The following RNF130 variants were observed in gnomAD, a reference collection of about 807,000 sequenced individuals.
RNF130 encodes the protein ring finger protein 130, also known as E3 ubiquitin-protein ligase RNF130.
In RNF130, 21 loss-of-function variants were observed where a neutral mutation model predicts 44.6. The observed-to-expected ratio is 0.47, with a 90% confidence interval of 0.33 to 0.68. The LOEUF (loss-of-function observed/expected upper bound fraction) is 0.68. Ranked by LOEUF, RNF130 falls within the 30% of genes least tolerant of loss-of-function variation. The probability of loss-of-function intolerance (pLI) is 0.02; values close to 1 mark genes in which losing one functional copy is unlikely to be tolerated. For synonymous variants in RNF130, 214 were observed against 210.4 expected (o/e 1.02, Z -0.15); for missense variants, 479 against 560.6 (o/e 0.85, Z 1.47).
chr5:179,993,694 T>TA (rs1763142375), intron 3 of RNF130, among the ~76,000 whole-genome samples: 1 of 152,260 alleles, frequency 6.6e-6, no homozygotes, highest in African/African-American at 2.4e-5. Flanking sequence ...ACTCTATTGG[T>TA]AGTTTCTTTA....
intron 7 of RNF130, among the ~76,000 whole-genome samples, chr5:179,946,625 C>G (rs558962774): frequency 1.3e-5 from 2 of 150,236 alleles, no homozygotes; most frequent in Admixed American, 6.6e-5. Flanking sequence ...GTGATCTTGG[C>G]TCACTGCAAG....
intron 2 of RNF130, among the ~76,000 whole-genome samples, chr5:180,031,293 C>A (rs1360301447): frequency 6.6e-6 from 1 of 152,128 alleles, no homozygotes; most frequent in Non-Finnish European, 1.5e-5. Flanking sequence ...TTGAGACCAG[C>A]CCGGCCAGTA....
intron 2 of RNF130, among the ~76,000 whole-genome samples, chr5:180,019,063 C>G (rs1763808875): frequency 6.6e-6 from 1 of 152,192 alleles, no homozygotes; most frequent in Non-Finnish European, 1.5e-5. Flanking sequence ...TAAAGCAGAA[C>G]ACCATATACT....
At chr5:179,938,704 C>T (rs1485314766) in intron 7 of RNF130, among the ~76,000 whole-genome samples, 1 of 152,056 alleles carries the variant, frequency 6.6e-6, no homozygotes, top group Non-Finnish European at 1.5e-5. Flanking sequence ...AATTAGAAAA[C>T]ATCCTTAATT....
At chr5:179,981,461 A>G (rs1418208560) in intron 3 of RNF130, among the ~76,000 whole-genome samples, 1 of 152,266 alleles carries the variant, frequency 6.6e-6, no homozygotes, top group East Asian at 1.9e-4. Context: ...TTTTAAACAC[A>G]CAAAAGAACA....
intron 7 of RNF130, among the ~76,000 whole-genome samples, chr5:179,932,518 C>A (rs1761823770): frequency 6.6e-6 from 1 of 151,866 alleles, no homozygotes; most frequent in Admixed American, 6.6e-5. Flanking sequence ...CCTCAGCCTT[C>A]CAAAGTGCTG....
intron 3 of RNF130, among the ~76,000 whole-genome samples, chr5:179,999,731 A>C (rs1218929184): frequency 6.6e-6 from 1 of 152,212 alleles, no homozygotes; most frequent in Non-Finnish European, 1.5e-5. Flanking sequence ...AAAGGAAAAA[A>C]GAAAAAAAAG....
chr5:180,058,267 T>A (rs1212112278), intron 1 of RNF130, among the ~76,000 whole-genome samples: 2 of 152,202 alleles, frequency 1.3e-5, no homozygotes, highest in East Asian at 3.8e-4. Context: ...TGGGAAGTCA[T>A]CAGGCTGCAG....
intron 8 of RNF130, 108 bp downstream of exon 8, chr5:179,963,363 C>T (rs948709021): frequency 9.2e-6 from 7 of 759,698 alleles, no homozygotes; most frequent in Non-Finnish European, 1.4e-5. Context: ...CATCAGGATC[C>T]GTATGAAACT....
At chr5:180,054,710 TC>T (rs1764766869) in intron 1 of RNF130, among the ~76,000 whole-genome samples, 1 of 152,202 alleles carries the variant, frequency 6.6e-6, no homozygotes, top group Admixed American at 6.5e-5. Flanking sequence ...CTACTGTGAG[TC>T]CCTTTTACTT....
chr5:179,920,268 A>G (rs1343555495), exon 8 of RNF130: 1 of 673,936 alleles, frequency 1.5e-6, no homozygotes, highest in South Asian at 1.5e-5. Flanking sequence ...GGTGATCAGA[A>G]ATCAAATCAC....
At chr5:179,971,560 G>A (rs1045139269) in intron 5 of RNF130, among the ~76,000 whole-genome samples, 1 of 152,100 alleles carries the variant, frequency 6.6e-6, no homozygotes, top group Non-Finnish European at 1.5e-5. Context: ...TAGTAGAGAC[G>A]GGGTTTCACC....
chr5:180,068,607 T>C (rs79679842), intron 1 of RNF130, among the ~76,000 whole-genome samples: 4,529 of 152,308 alleles, frequency 0.03, 228 homozygotes, highest in African/African-American at 0.1. Context: ...TTTAAAGGGA[T>C]AGGACAAATA....
intron 3 of RNF130, among the ~76,000 whole-genome samples, chr5:179,991,039 C>G (rs1763070809): frequency 6.6e-6 from 1 of 152,162 alleles, no homozygotes. Flanking sequence ...CTGAGAAAGA[C>G]CCGTTTTCTC....
At position 180,032,229 on chromosome 5, in the gene RNF130, CAG is replaced by C. The variant is rs367827085; in HGVS notation, c.442+8222_442+8223del. On this transcript the variant is annotated intron_variant, in intron 2 of 8. Coordinates refer to ENST00000521389, the MANE Select transcript of RNF130 (RefSeq NM_018434.6). ...GATAAAATCTAATTTTTTTTATAAA[CAG>C]TGTTTTTGGAGTTATAGGCAAGAAC... Among the ~76,000 whole-genome samples, 122 of 152,136 alleles carry C rather than the reference CAG, an allele frequency of 8.0e-4. 3 individuals are homozygous for C. Among genetic ancestry groups the C allele is most frequent in the African/African-American group, 3.9e-4 (16 of 41,438 alleles).
At chr5:180,016,930 T>C (rs1209851859) in intron 2 of RNF130, among the ~76,000 whole-genome samples, 2 of 152,244 alleles carry the variant, frequency 1.3e-5, no homozygotes, top group Non-Finnish European at 2.9e-5. Context: ...CCACAATTCA[T>C]TTACTTATCC....
At chr5:179,994,808 C>T (rs1763165509) in intron 3 of RNF130, among the ~76,000 whole-genome samples, 1 of 152,196 alleles carries the variant, frequency 6.6e-6, no homozygotes, top group African/African-American at 2.4e-5. Context: ...AACCTCCAGG[C>T]CAGCAGGTGG....
chr5:180,025,295 A>T (rs1763960214), intron 2 of RNF130, among the ~76,000 whole-genome samples: 1 of 152,232 alleles, frequency 6.6e-6, no homozygotes, highest in African/African-American at 2.4e-5. Flanking sequence ...CTAAAACAGT[A>T]TTTCAAACCC....
intron 3 of RNF130, among the ~76,000 whole-genome samples, chr5:179,998,968 A>T (rs1426031816): frequency 6.8e-6 from 1 of 146,690 alleles, no homozygotes; most frequent in Non-Finnish European, 1.5e-5. Flanking sequence ...TCTCTTTATC[A>T]TTATATTATG....
Sources: allele counts gnomAD v4.1 joint callset (sites outside exome capture counted in the v4.1 genomes callset), GRCh38; gene constraint gnomAD v4.1.1; transcripts MANE v1.5; gene names NCBI Gene and HGNC (gene_info 2026-07-23, HGNC 2026-07-21).